The following KCNQ4 variants were observed in gnomAD, a reference collection of about 807,000 sequenced individuals.
KCNQ4 encodes the protein potassium voltage-gated channel subfamily Q member 4.
KCNQ4 carries 31 observed loss-of-function variants against 72.6 expected under a neutral mutation model. That is an observed-to-expected ratio of 0.43 (90% CI 0.32 to 0.58). The LOEUF (loss-of-function observed/expected upper bound fraction) is 0.58. Among genes scored for constraint, KCNQ4 ranks in the 20% least tolerant of loss-of-function variants. The probability of loss-of-function intolerance (pLI) is 0.08; values close to 1 mark genes in which losing one functional copy is unlikely to be tolerated. For synonymous variants in KCNQ4, 405 were observed against 403.7 expected, an observed-to-expected ratio of 1.00 and a Z score of -0.04; for missense variants, 869 against 962.6, an observed-to-expected ratio of 0.90 and a Z score of 1.29.
intron 13 of KCNQ4, among the ~76,000 whole-genome samples, 177 bp from the exon 14 acceptor site, chr1:40,838,134 A>G (rs1648861998): frequency 6.6e-6 from 1 of 151,998 alleles, no homozygotes; most frequent in South Asian, 2.1e-4. Flanking sequence ...GTTATGCACC[A>G]GTGCCCAGCT....
In KCNQ4 at chr1:40,820,218, G is replaced by A; in HGVS notation, c.999G>A (p.Lys333=). The stretch of plus-strand genomic sequence containing the variant: ...AGGTCCAGGAGCAGCACCGGCAGAA[G>A]CACTTCGAGAAGCGGAGGATGCCGG... ...ALKVQEQHRQ[K]HFEKRRMPAA... is the part of the protein sequence containing the mutation. The change falls in exon 7 of 14, where the codon AAG becomes AAA. Residue 333 remains lysine (K), a synonymous_variant. Coordinates refer to ENST00000347132, the MANE Select transcript of KCNQ4 (RefSeq NM_004700.4). 2 of 1,610,860 alleles carry A rather than the reference G, an allele frequency of 1.2e-6. No individual in the cohort carries two copies. The highest frequency in any genetic ancestry group is 2.7e-5 in the African/African-American group (2 of 74,958).
intron 9 of KCNQ4, among the ~76,000 whole-genome samples, chr1:40,827,423 C>T (rs1409031921): frequency 6.6e-6 from 1 of 152,102 alleles, no homozygotes; most frequent in Admixed American, 6.5e-5. Context: ...AGCAAGGAGG[C>T]AAGAGGGAGC....
At chr1:40,819,573 C>A (rs1353252919) in intron 5 of KCNQ4, 101 bp downstream of exon 5, 2 of 1,474,962 alleles carry the variant, frequency 1.4e-6, no homozygotes, top group Admixed American at 1.7e-5. Context: ...GTTGAGCGGG[C>A]CTGCCCCTGC....
intron 1 of KCNQ4, among the ~76,000 whole-genome samples, chr1:40,798,786 C>T (rs967224638): frequency 1.3e-5 from 2 of 152,250 alleles, no homozygotes; most frequent in African/African-American, 4.8e-5. Context: ...CCACACCAAC[C>T]CCTGTGCCCC....
At chr1:40,802,259 C>T (rs1207225994) in intron 1 of KCNQ4, among the ~76,000 whole-genome samples, 1 of 152,130 alleles carries the variant, frequency 6.6e-6, no homozygotes, top group Non-Finnish European at 1.5e-5. Flanking sequence ...GAGGCCGAGG[C>T]GGCGGTGGCG....
chr1:40,805,091 G>C (rs1320071462), intron 1 of KCNQ4: 2 of 152,038 alleles, frequency 1.3e-5, no homozygotes, highest in Non-Finnish European at 2.9e-5. Context: ...GATCACACCT[G>C]TGAATAGCCA....
At chr1:40,787,481 C>T (rs1008187135) in intron 1 of KCNQ4, among the ~76,000 whole-genome samples, 1 of 152,160 alleles carries the variant, frequency 6.6e-6, no homozygotes, top group Non-Finnish European at 1.5e-5. Context: ...CCCTCTGAGC[C>T]CCACACAGAA....
At chr1:40,819,203 G>A (rs1346609498) in intron 4 of KCNQ4, 144 bp from the exon 5 acceptor site, 3 of 964,318 alleles carry the variant, frequency 3.1e-6, no homozygotes, top group Non-Finnish European at 4.7e-6. Context: ...GGGCAGGGTC[G>A]CCGTGATGGG....
At chr1:40,830,900 A>G (rs1287793869) in intron 9 of KCNQ4, among the ~76,000 whole-genome samples, 184 bp from the exon 10 acceptor site, 4 of 152,100 alleles carry the variant, frequency 2.6e-5, no homozygotes, top group Non-Finnish European at 4.4e-5. Flanking sequence ...CTGACCCCGA[A>G]TCAGCCTCTT....
chr1:40,827,991 C>T (rs978429103), intron 9 of KCNQ4, among the ~76,000 whole-genome samples: 3 of 152,308 alleles, frequency 2.0e-5, no homozygotes, highest in South Asian at 2.1e-4. Context: ...GGGTCAGGCC[C>T]GCCATTTTGC....
At chr1:40,824,331 C>G (rs1558021489) in intron 9 of KCNQ4, 73 bp downstream of exon 9, 2 of 1,502,102 alleles carry the variant, frequency 1.3e-6, no homozygotes, top group Non-Finnish European at 1.8e-6. Flanking sequence ...TTCATCCTCT[C>G]TCAGACCTGC....
At position 40,837,543 on chromosome 1, in the gene KCNQ4, GC is replaced by G. The variant is rs1648839310; in HGVS notation, c.1746-118del. ...TCAGCCTCCATCTGGCAGGGCAATG[GC>G]CCCTTCCCTCAGATTGCCTGTCCCC... On this transcript the variant is annotated intron_variant, in intron 12 of 13. Coordinates refer to ENST00000347132, the MANE Select transcript of KCNQ4 (RefSeq NM_004700.4). 11 of 1,276,964 alleles carry G rather than the reference GC, an allele frequency of 8.6e-6. No homozygotes were observed. In the East Asian group the frequency reaches 2.7e-4, roughly 31 times the overall value. 79.1% of individuals were successfully genotyped at this position (1,276,964 alleles called of 1,614,324 possible).
intron 1 of KCNQ4, among the ~76,000 whole-genome samples, chr1:40,793,583 C>T (rs1647331687): frequency 6.6e-6 from 1 of 152,094 alleles, no homozygotes; most frequent in Non-Finnish European, 1.5e-5. Context: ...GCATCTCCCT[C>T]CAAACCTGCC....
At chr1:40,786,773 G>A (rs1647207025) in intron 1 of KCNQ4, among the ~76,000 whole-genome samples, 1 of 152,102 alleles carries the variant, frequency 6.6e-6, no homozygotes, top group Non-Finnish European at 1.5e-5. Context: ...AGCTTGGTAA[G>A]CTCCAGGGGC....
At chr1:40,818,749 G>A in intron 4 of KCNQ4, 69 bp downstream of exon 4, 1 of 1,507,758 alleles carries the variant, frequency 6.6e-7, no homozygotes, top group Admixed American at 2.0e-5. Context: ...GGGCAGGGCG[G>A]AGAGGGCGAG....
At position 40,839,114 on chromosome 1, in the gene KCNQ4, C is replaced by G. The variant is rs1187948191; in HGVS notation, c.*591C>G. On this transcript the variant is annotated 3_prime_UTR_variant, in exon 14 of 14. Transcript: ENST00000347132. ...CCTCCCCCATTGGGAGCTGGGCCCC[C>G]AGCAGTAGCTGGTCTCAGGCTGCTT... The G allele has an allele frequency of 6.2e-6, 1 of 161,090 alleles. No individual in the cohort carries two copies. Among genetic ancestry groups the G allele is most frequent in the East Asian group, 1.8e-4 (1 of 5,490 alleles). 10.0% of individuals were successfully genotyped at this position (161,090 alleles called of 1,614,324 possible).
chr1:40,836,168 G>A (rs556821705), intron 12 of KCNQ4, among the ~76,000 whole-genome samples: 168 of 152,328 alleles, frequency 1.1e-3, no homozygotes, highest in African/African-American at 3.7e-3. Context: ...GCATGAGACC[G>A]TGGGGACTTG....
intron 9 of KCNQ4, among the ~76,000 whole-genome samples, chr1:40,824,938 C>T (rs1221625021): frequency 6.6e-6 from 1 of 152,194 alleles, no homozygotes; most frequent in African/African-American, 2.4e-5. Context: ...CATCTCTTTC[C>T]CCTTGAACTG....
At position 40,788,899 on chromosome 1, in the gene KCNQ4, A is replaced by AAC. The variant is rs1331094809; in HGVS notation, c.314+4502_314+4503dup. On this transcript the variant is annotated intron_variant, in intron 1 of 13. Transcript: ENST00000347132. The surrounding 1 kb of genome is among the most constrained non-coding windows in gnomAD (Gnocchi z 4.5). Reference sequence around the variant, plus strand: ...ACTGCAACATCGACACACATGCACAAACACACACACAGCATCCATCCAACA... The same window carrying AAC: ...ACTGCAACATCGACACACATGCACAAACACACACACACAGCATCCATCCAACA... Among the ~76,000 whole-genome samples the AAC allele has an allele frequency of 1.3e-5, 2 of 152,174 alleles. No homozygotes were observed. The highest frequency in any genetic ancestry group is 3.8e-4 in the East Asian group (2 of 5,200).
Sources: gnomAD v4.1 joint callset for allele counts (sites outside exome capture counted in the v4.1 genomes callset) on GRCh38, gnomAD v4.1.1 for gene constraint, Gnocchi (gnomAD v3.1) non-coding constraint, MANE v1.5 for transcripts, NCBI Gene and HGNC (gene_info 2026-07-23, HGNC 2026-07-21) for gene names.